Variants in MAP3K5 observed in about 807,000 individuals in gnomAD.
The protein encoded by MAP3K5 is mitogen-activated protein kinase kinase kinase 5, also known as ASK-1.
In MAP3K5, 56 loss-of-function variants were observed where a neutral mutation model predicts 158.7. That is an observed-to-expected ratio of 0.35 (90% CI 0.28 to 0.44). MAP3K5 has a LOEUF of 0.44. MAP3K5 is among the 20% of genes least tolerant of loss of function. MAP3K5 has a pLI of 1.00. For missense variants in MAP3K5, 1,294 were observed against 1,674.8 expected (o/e 0.77, Z 3.97); for synonymous variants, 579 against 601.7 (o/e 0.96, Z 0.55).
At chr6:136,782,668 C>T (rs1302701800) in intron 1 of MAP3K5, among the ~76,000 whole-genome samples, 1 of 152,176 alleles carries the variant, frequency 6.6e-6, no homozygotes, top group Non-Finnish European at 1.5e-5. Context: ...TTCTGTTACC[C>T]TGTGCAACTT....
At chr6:136,732,654 C>T (rs1271202725) in intron 1 of MAP3K5, among the ~76,000 whole-genome samples, 1 of 152,210 alleles carries the variant, frequency 6.6e-6, no homozygotes, top group Non-Finnish European at 1.5e-5. Context: ...GTAGCACCAC[C>T]TGAGCTTCTG....
chr6:136,667,539 C>T (rs1003054235), intron 8 of MAP3K5, among the ~76,000 whole-genome samples: 3 of 151,952 alleles, frequency 2.0e-5, no homozygotes, highest in East Asian at 1.9e-4. Context: ...GAGCCGTGAT[C>T]GTGCCAGTGC....
At chr6:136,730,326 G>C (rs994485535) in intron 1 of MAP3K5, among the ~76,000 whole-genome samples, 3 of 150,436 alleles carry the variant, frequency 2.0e-5, no homozygotes, top group African/African-American at 7.3e-5. Flanking sequence ...ATAGGAGCTT[G>C]AGTTCATATT....
rs74371313 is a variant in MAP3K5, at chr6:136,781,616, T to C, written c.448+10094A>G. On this transcript the variant is annotated intron_variant, in intron 1 of 29. Transcript: ENST00000359015. ...TCTCATAGCCTTTCCAACTATAAGA[T>C]ATAGTTAATTACACTGCCATGCCTA... 3.5e-3 allele frequency among the ~76,000 whole-genome samples: 536 copies of C among 152,312 alleles called. 2 individuals are homozygous for C. The highest frequency in any genetic ancestry group is 0.012 in the African/African-American group (514 of 41,562).
intron 7 of MAP3K5, among the ~76,000 whole-genome samples, chr6:136,679,025 C>CA (rs1371013542): frequency 1.3e-5 from 2 of 151,484 alleles, no homozygotes; most frequent in African/African-American, 4.9e-5. Flanking sequence ...TGCACCCAGC[C>CA]AAAAGGGGGC....
rs1780591983 is a variant in MAP3K5, at chr6:136,696,139, A to G, written c.976-82T>C. On this transcript the variant is annotated intron_variant, in intron 5 of 29. Coordinates refer to ENST00000359015, the MANE Select transcript of MAP3K5 (RefSeq NM_005923.4). The stretch of plus-strand genomic sequence containing the variant: ...ATAACGTGTCTTTTGACAACCAGAT[A>G]TCTGAATTCAAGAAACACATTAAAA... 12 of 740,106 alleles carry G rather than the reference A, an allele frequency of 1.6e-5. 1 individual carries two copies. The South Asian group carries it at 2.1e-4, about 13-fold the overall frequency. 45.8% of individuals were successfully genotyped at this position (740,106 alleles called of 1,614,324 possible).
rs912173232 is a variant in MAP3K5, at chr6:136,784,902, CTCTT to C, written c.448+6804_448+6807del. On this transcript the variant is annotated intron_variant, in intron 1 of 29. Coordinates refer to ENST00000359015, the MANE Select transcript of MAP3K5 (RefSeq NM_005923.4). ...TGTTGATTTTCTTGTCTCTCTGTCT[CTCTT>C]TCTCTCTCTCGATTTTCCTCACTTT... Among the ~76,000 whole-genome samples the C allele has an allele frequency of 3.7e-4, 56 of 152,222 alleles. 1 individual carries two copies. Among genetic ancestry groups the C allele is most frequent in the Admixed American group, 3.5e-3 (54 of 15,286 alleles).
At chr6:136,774,021 C>A (rs1421004595) in intron 1 of MAP3K5, among the ~76,000 whole-genome samples, 1 of 152,162 alleles carries the variant, frequency 6.6e-6, no homozygotes, top group Non-Finnish European at 1.5e-5. Context: ...TATCCTACCC[C>A]TTCCTTATGG....
At chr6:136,557,882 G>A in intron 29 of MAP3K5, 64 bp from the exon 30 acceptor site, 2 of 1,061,720 alleles carry the variant, frequency 1.9e-6, no homozygotes. Flanking sequence ...CCTTGAAATA[G>A]AAAAGTGACT....
chr6:136,738,657 C>T (rs1472695702), intron 1 of MAP3K5, among the ~76,000 whole-genome samples: 1 of 152,158 alleles, frequency 6.6e-6, no homozygotes, highest in Non-Finnish European at 1.5e-5. Flanking sequence ...ACTATATAAG[C>T]TCCTGAATTT....
At chr6:136,582,484 G>T (rs1698737975) in intron 24 of MAP3K5, among the ~76,000 whole-genome samples, 1 of 152,206 alleles carries the variant, frequency 6.6e-6, no homozygotes, top group Non-Finnish European at 1.5e-5. Flanking sequence ...GCATAAGCAT[G>T]CTTTTAGCAT....
intron 14 of MAP3K5, among the ~76,000 whole-genome samples, chr6:136,630,984 A>T (rs960133624): frequency 6.6e-6 from 1 of 152,204 alleles, no homozygotes; most frequent in African/African-American, 2.4e-5. Flanking sequence ...CCTTAGTCCC[A>T]GCTACTCAGA....
At chr6:136,743,417 TC>T (rs1417367087) in intron 1 of MAP3K5, among the ~76,000 whole-genome samples, 1 of 151,980 alleles carries the variant, frequency 6.6e-6, no homozygotes, top group Non-Finnish European at 1.5e-5. Flanking sequence ...GAAACTGCAC[TC>T]CAGCCTGGGT....
At chr6:136,783,791 T>C (rs955111056) in intron 1 of MAP3K5, among the ~76,000 whole-genome samples, 2 of 152,210 alleles carry the variant, frequency 1.3e-5, no homozygotes, top group Non-Finnish European at 2.9e-5. Flanking sequence ...TTCTCTACTT[T>C]CCTGGCTTGG....
chr6:136,754,316 C>T (rs1783363712), intron 1 of MAP3K5, among the ~76,000 whole-genome samples: 1 of 151,632 alleles, frequency 6.6e-6, no homozygotes, highest in African/African-American at 2.4e-5. Context: ...CAGTGGCTCA[C>T]ACCTGTAATC....
chr6:136,788,614 G>T (rs1375837796), intron 1 of MAP3K5, among the ~76,000 whole-genome samples: 1 of 152,154 alleles, frequency 6.6e-6, no homozygotes, highest in Non-Finnish European at 1.5e-5. Context: ...CTTCTCAGAA[G>T]AAGGCATACA....
intron 14 of MAP3K5, among the ~76,000 whole-genome samples, chr6:136,626,425 C>G (rs1048495108): frequency 6.6e-6 from 1 of 152,088 alleles, no homozygotes; most frequent in African/African-American, 2.4e-5. Flanking sequence ...CTGTCTTGGT[C>G]CAGGGTAGAT....
intron 7 of MAP3K5, among the ~76,000 whole-genome samples, chr6:136,688,007 T>C (rs1297418518): frequency 2.0e-5 from 3 of 152,146 alleles, no homozygotes; most frequent in Non-Finnish European, 4.4e-5. Context: ...TAGCAAAGAC[T>C]TGGACCCAAC....
In MAP3K5 at chr6:136,566,085, C is replaced by T. The variant is rs373568115; in HGVS notation, c.3761+1546G>A. Among the ~76,000 whole-genome samples the T allele has an allele frequency of 1.1e-4, 17 of 152,228 alleles. 1 individual carries two copies. The East Asian group carries it at 1.4e-3, about 12-fold the overall frequency. On this transcript the variant is annotated intron_variant, in intron 26 of 29. Transcript: ENST00000359015. ...GAGAAAGGGGAAGCTGTGAAGAAAG[C>T]GGCCGGAAGCCCTCAGGGACTGCAG...
Sources: gnomAD v4.1 joint callset for allele counts (sites outside exome capture counted in the v4.1 genomes callset) on GRCh38, gnomAD v4.1.1 for gene constraint, MANE v1.5 for transcripts, NCBI Gene and HGNC (gene_info 2026-07-23, HGNC 2026-07-21) for gene names.